The following JAZF1 variants were observed in gnomAD, a reference collection of about 807,000 sequenced individuals.
JAZF1 encodes juxtaposed with another zinc finger protein 1.
In JAZF1, 8 loss-of-function variants were observed where a neutral mutation model predicts 26.4. That is an observed-to-expected ratio of 0.30 (90% CI 0.18 to 0.55). The LOEUF (loss-of-function observed/expected upper bound fraction) is 0.55, where lower values mean the gene tolerates loss of function less well. Ranked by LOEUF, JAZF1 falls within the 20% of genes least tolerant of loss-of-function variation. JAZF1 has a pLI of 0.94. For synonymous variants in JAZF1, 126 were observed against 122.3 expected (o/e 1.03, Z -0.20); for missense variants, 199 against 322.0 (o/e 0.62, Z 2.92).
chr7:28,081,356 G>A (rs144862168), intron 1 of JAZF1, among the ~76,000 whole-genome samples: 160 of 152,284 alleles, frequency 1.1e-3, no homozygotes, highest in African/African-American at 3.7e-3. Context: ...GAAGGAGTGC[G>A]GGAGTGCCTG....
At chr7:28,125,146 C>T (rs186805996) in intron 1 of JAZF1, among the ~76,000 whole-genome samples, 6 of 136,150 alleles carry the variant, frequency 4.4e-5, no homozygotes, top group Non-Finnish European at 3.1e-5. Context: ...GGGAAGATTG[C>T]TTTTTTTTTT....
rs544254745 is a variant in JAZF1 at position 27,831,490 on chromosome 7, C to T, written c.*1310G>A. On this transcript the variant is annotated 3_prime_UTR_variant, in exon 5 of 5. Transcript: ENST00000283928. ...AACACTCAAGGCATGATGGTACTGT[C>T]GGTGAGGAAAAACTTAAGGAATGGT... 139 of 228,988 alleles carry T rather than the reference C, an allele frequency of 6.1e-4. No homozygotes were observed. The South Asian group carries it at 6.2e-3, about 10-fold the overall frequency. The allele number at this position is 228,988 out of a possible 1,614,324, so 14.2% of individuals were successfully genotyped here.
chr7:28,136,713 G>C (rs570357021), intron 1 of JAZF1, among the ~76,000 whole-genome samples: 2 of 152,326 alleles, frequency 1.3e-5, no homozygotes, highest in Admixed American at 1.3e-4. Context: ...TAGGGAGAGA[G>C]ACAGGAGGAG....
chr7:27,907,103 A>C (rs887051576), intron 2 of JAZF1, among the ~76,000 whole-genome samples: 1 of 152,234 alleles, frequency 6.6e-6, no homozygotes, highest in African/African-American at 2.4e-5. Flanking sequence ...CTGGGAACAC[A>C]GCCTGGTGGG....
intron 2 of JAZF1, among the ~76,000 whole-genome samples, chr7:27,944,566 A>T (rs761236409): frequency 1.1e-4 from 16 of 152,130 alleles, no homozygotes; most frequent in Non-Finnish European, 2.2e-4. Flanking sequence ...ACCAAATCTT[A>T]AAAAAAATTT....
intron 2 of JAZF1, among the ~76,000 whole-genome samples, chr7:27,988,352 T>C (rs1269933259): frequency 1.3e-5 from 2 of 152,036 alleles, no homozygotes; most frequent in African/African-American, 2.4e-5. Context: ...TCTCTACATT[T>C]TCCCCCTTAG....
chr7:28,009,417 C>A (rs2189967), intron 1 of JAZF1, among the ~76,000 whole-genome samples: 4,699 of 151,960 alleles, frequency 0.031, 94 homozygotes, highest in South Asian at 0.081. Flanking sequence ...CCTCCAGACA[C>A]AAACATACGA....
At chr7:28,010,674 A>G (rs1159836310) in intron 1 of JAZF1, among the ~76,000 whole-genome samples, 1 of 152,200 alleles carries the variant, frequency 6.6e-6, no homozygotes, top group African/African-American at 2.4e-5. Context: ...AAAAAGATAG[A>G]TTACATTTTA....
chr7:28,179,762 G>C (rs982114948), intron 1 of JAZF1, among the ~76,000 whole-genome samples: 1 of 147,800 alleles, frequency 6.8e-6, no homozygotes, highest in Non-Finnish European at 1.5e-5. Context: ...CCGCCTCCCA[G>C]GGAGAGGGCA....
At position 28,047,552 on chromosome 7, in the gene JAZF1, C is replaced by T. The variant is rs1264250998; in HGVS notation, c.116-55571G>A. ...ACGTTTTTTGTTAATTTTACTTTTACATTTTTATAGATTGTGATGCAATTG... is the reference window on the plus strand; with the variant it reads ...ACGTTTTTTGTTAATTTTACTTTTATATTTTTATAGATTGTGATGCAATTG... On this transcript the variant is annotated intron_variant, in intron 1 of 4. Transcript: ENST00000283928. Among the ~76,000 whole-genome samples, 4 of 151,980 alleles carry T rather than the reference C, an allele frequency of 2.6e-5. No individual in the cohort carries two copies. In the East Asian group the frequency reaches 5.8e-4, roughly 22 times the overall value.
At chr7:28,150,002 A>G (rs1357576104) in intron 1 of JAZF1, among the ~76,000 whole-genome samples, 1 of 152,196 alleles carries the variant, frequency 6.6e-6, no homozygotes, top group Admixed American at 6.5e-5. Flanking sequence ...CCTTGCCAGG[A>G]GCACCCTGAC....
At chr7:27,877,154 C>A (rs569591010) in intron 3 of JAZF1, among the ~76,000 whole-genome samples, 33 of 151,960 alleles carry the variant, frequency 2.2e-4, no homozygotes, top group Non-Finnish European at 2.9e-4. Flanking sequence ...TATTTTCTTC[C>A]GTCAAAGCAA....
At chr7:28,047,513 C>T (rs1047241001) in intron 1 of JAZF1, among the ~76,000 whole-genome samples, 6 of 152,016 alleles carry the variant, frequency 3.9e-5, no homozygotes, top group Non-Finnish European at 8.8e-5. Flanking sequence ...AAATTTCTAT[C>T]GTTTATCTCA....
At chr7:28,177,217 A>C (rs532649504) in intron 1 of JAZF1, among the ~76,000 whole-genome samples, 3 of 152,322 alleles carry the variant, frequency 2.0e-5, no homozygotes, top group Admixed American at 2.0e-4. Flanking sequence ...AATGCAAGAA[A>C]GAAAACAGGA....
At chr7:28,164,497 C>T (rs748809453) in intron 1 of JAZF1, among the ~76,000 whole-genome samples, 6 of 152,168 alleles carry the variant, frequency 3.9e-5, no homozygotes, top group Non-Finnish European at 8.8e-5. Flanking sequence ...ATAACAGGTC[C>T]AGATGTCCTC....
intron 2 of JAZF1, among the ~76,000 whole-genome samples, chr7:27,912,334 C>CG (rs2128345648): frequency 6.6e-6 from 1 of 152,294 alleles, no homozygotes; most frequent in South Asian, 2.1e-4. Flanking sequence ...GAGAAAAAGT[C>CG]GACTCCTTTT....
intron 1 of JAZF1, among the ~76,000 whole-genome samples, chr7:28,046,010 C>A (rs1562568832): frequency 6.6e-6 from 1 of 152,162 alleles, no homozygotes; most frequent in African/African-American, 2.4e-5. Context: ...AAGTGAGTAT[C>A]CTTAATCTCC....
chr7:27,856,287 T>C (rs554386299), intron 3 of JAZF1, among the ~76,000 whole-genome samples: 3 of 152,334 alleles, frequency 2.0e-5, no homozygotes, highest in South Asian at 2.1e-4. Context: ...CAATTGTTTG[T>C]TCCTCCCGGT....
At chr7:27,853,270 T>A (rs2128334576) in intron 3 of JAZF1, among the ~76,000 whole-genome samples, 1 of 152,352 alleles carries the variant, frequency 6.6e-6, no homozygotes, top group East Asian at 1.9e-4. Context: ...TTGTTCAATG[T>A]TGTTTTGTTG....
Sources: allele counts gnomAD v4.1 joint callset (sites outside exome capture counted in the v4.1 genomes callset), GRCh38; gene constraint gnomAD v4.1.1; transcripts MANE v1.5; gene names NCBI Gene and HGNC (gene_info 2026-07-23, HGNC 2026-07-21).